The following SPATS2L variants were observed in gnomAD, a reference collection of about 807,000 sequenced individuals.
SPATS2L encodes SPATS2-like protein.
Under a neutral mutation model 59.6 loss-of-function variants are expected in SPATS2L, and 30 were observed. That is an observed-to-expected ratio of 0.50 (90% CI 0.38 to 0.68). The LOEUF is 0.68. SPATS2L is among the 30% of genes least tolerant of loss of function. The probability of loss-of-function intolerance (pLI) is 0.00; values close to 1 mark genes in which losing one functional copy is unlikely to be tolerated. For synonymous variants in SPATS2L, 252 were observed against 263.5 expected (o/e 0.96, Z 0.42); for missense variants, 615 against 700.0 (o/e 0.88, Z 1.37).
chr2:200,364,267 T>C (rs552234983), intron 2 of SPATS2L, among the ~76,000 whole-genome samples: 118 of 152,344 alleles, frequency 7.7e-4, no homozygotes, highest in African/African-American at 2.5e-3. Flanking sequence ...TGTGCTAATG[T>C]GTTACAGCAG....
intron 1 of SPATS2L, chr2:200,308,765 G>A (rs2079105628): frequency 2.4e-6 from 1 of 408,230 alleles, no homozygotes; most frequent in Non-Finnish European, 4.4e-6. Flanking sequence ...TGTATTAATT[G>A]GCAATTTTCT....
At chr2:200,431,150 T>G (rs896516665) in intron 6 of SPATS2L, among the ~76,000 whole-genome samples, 2 of 152,248 alleles carry the variant, frequency 1.3e-5, no homozygotes, top group Non-Finnish European at 2.9e-5. Flanking sequence ...TATGAATAGT[T>G]TTTAAGTTAT....
chr2:200,332,792 G>A (rs190380142), intron 2 of SPATS2L, among the ~76,000 whole-genome samples: 1 of 149,652 alleles, frequency 6.7e-6, no homozygotes, highest in African/African-American at 2.5e-5. Flanking sequence ...GTGTGTGTGT[G>A]TGTATGTATG....
chr2:200,472,898 C>T lies in SPATS2L; in HGVS notation c.1127C>T (p.Ala376Val), dbSNP rs751577050. 53 of 1,613,740 alleles carry T rather than the reference C, an allele frequency of 3.3e-5. No individual in the cohort carries two copies. The South Asian group carries it at 3.7e-4, about 11-fold the overall frequency. Reference sequence around the variant, plus strand: ...AGCTCCCTGCTGCCTCTGCTGAATGCGCACGCAGCAACCTCTGGGAAACAG... The same window carrying T: ...AGCTCCCTGCTGCCTCTGCTGAATGTGCACGCAGCAACCTCTGGGAAACAG... Reference protein sequence around the residue: ...PCSSLLPLLNAHAATSGKQSN... With the variant: ...PCSSLLPLLNVHAATSGKQSN... The change falls in exon 12 of 13, where the codon GCG becomes GTG. Residue 376 changes from alanine to valine, a missense_variant. Physicochemically the swap from Ala to Val is moderately conservative, Grantham distance 64. This residue lies in a region of SPATS2L where 284 missense variants were observed against 280.1 expected (regional missense o/e 1.01). Transcript: ENST00000409140.
At chr2:200,307,173 G>A (rs1456195735) in intron 1 of SPATS2L, among the ~76,000 whole-genome samples, 1 of 151,570 alleles carries the variant, frequency 6.6e-6, no homozygotes, top group African/African-American at 2.4e-5. Context: ...AGCGGGAGGA[G>A]GCGCCGGCTG....
chr2:200,306,149 C>T (rs1202626927), upstream of SPATS2L: 2 of 994,584 alleles, frequency 2.0e-6, no homozygotes, highest in African/African-American at 1.7e-5. Context: ...TTTTCCGCGC[C>T]TGATTTTTCA....
chr2:200,334,905 G>T (rs1449112154), intron 2 of SPATS2L, among the ~76,000 whole-genome samples: 1 of 152,144 alleles, frequency 6.6e-6, no homozygotes, highest in Admixed American at 6.5e-5. Context: ...ATGCTGTTTT[G>T]GTTACTGTAG....
In SPATS2L at chr2:200,462,326, T is replaced by C. The variant is rs533748271; in HGVS notation, c.847+2499T>C. ...GAGCATCTCTGGAGAGCATCCCATT[T>C]TAAAAACTTACTCAATCAGTAAACA... On this transcript the variant is annotated intron_variant, in intron 9 of 12. Coordinates refer to ENST00000409140, the MANE Select transcript of SPATS2L (RefSeq NM_001100423.2). Among the ~76,000 whole-genome samples, 11 of 152,322 alleles carry C rather than the reference T, an allele frequency of 7.2e-5. No individual in the cohort carries two copies. The South Asian group carries it at 2.3e-3, about 32-fold the overall frequency.
chr2:200,379,010 C>G (rs2081702405), intron 2 of SPATS2L, among the ~76,000 whole-genome samples: 1 of 152,214 alleles, frequency 6.6e-6, no homozygotes, highest in African/African-American at 2.4e-5. Flanking sequence ...GACTTTTGAG[C>G]TGGACAGACC....
chr2:200,377,491 C>A (rs1039851175), intron 2 of SPATS2L, among the ~76,000 whole-genome samples: 2 of 152,110 alleles, frequency 1.3e-5, no homozygotes, highest in Non-Finnish European at 2.9e-5. Context: ...GTGAGCCTTT[C>A]TAAGAACATG....
chr2:200,359,361 G>T (rs2081024182), intron 2 of SPATS2L, among the ~76,000 whole-genome samples: 1 of 151,870 alleles, frequency 6.6e-6, no homozygotes, highest in African/African-American at 2.4e-5. Context: ...TTTCCATCCA[G>T]CTTGCACCCT....
intron 8 of SPATS2L, among the ~76,000 whole-genome samples, chr2:200,457,609 C>T (rs760346734): frequency 4.6e-5 from 7 of 152,210 alleles, no homozygotes; most frequent in South Asian, 4.1e-4. Flanking sequence ...ATCCAGTGAC[C>T]GTAAGCCATG....
At chr2:200,451,758 T>C (rs1401293708) in intron 8 of SPATS2L, among the ~76,000 whole-genome samples, 2 of 152,160 alleles carry the variant, frequency 1.3e-5, no homozygotes, top group East Asian at 3.9e-4. Flanking sequence ...TTTCTGTTCC[T>C]GTTATTTATG....
chr2:200,319,222 C>A (rs1374625687), intron 1 of SPATS2L, among the ~76,000 whole-genome samples: 1 of 152,170 alleles, frequency 6.6e-6, no homozygotes, highest in Non-Finnish European at 1.5e-5. Context: ...TAGTTCTCAT[C>A]CTGTTAACAT....
At chr2:200,338,438 A>G (rs1166895342) in intron 2 of SPATS2L, among the ~76,000 whole-genome samples, 1 of 152,192 alleles carries the variant, frequency 6.6e-6, no homozygotes, top group Non-Finnish European at 1.5e-5. Context: ...CATGTAATCA[A>G]GTGAATAAAC....
intron 2 of SPATS2L, among the ~76,000 whole-genome samples, chr2:200,355,100 T>C (rs538416894): frequency 8.5e-5 from 13 of 152,290 alleles, no homozygotes; most frequent in Admixed American, 7.8e-4. Flanking sequence ...TCTCTCCCTT[T>C]TCAGACATCT....
intron 1 of SPATS2L, among the ~76,000 whole-genome samples, chr2:200,317,286 A>C (rs181115533): frequency 3.9e-5 from 6 of 152,356 alleles, no homozygotes; most frequent in Non-Finnish European, 5.9e-5. Context: ...GAATTTGAGC[A>C]AGTTATTTAA....
intron 3 of SPATS2L, among the ~76,000 whole-genome samples, chr2:200,406,798 G>C (rs536320001): frequency 6.6e-6 from 1 of 152,310 alleles, no homozygotes; most frequent in Admixed American, 6.5e-5. Flanking sequence ...AGCCTCTAGT[G>C]CAGTGCCTGA....
At chr2:200,444,863 G>C (rs1036590155) in intron 8 of SPATS2L, among the ~76,000 whole-genome samples, 5 of 151,948 alleles carry the variant, frequency 3.3e-5, no homozygotes, top group Admixed American at 6.6e-5. Context: ...GTTTATAGTG[G>C]TGTCTCCATA....
Sources: allele counts gnomAD v4.1 joint callset (sites outside exome capture counted in the v4.1 genomes callset), GRCh38; gene constraint gnomAD v4.1.1; regional missense constraint gnomAD v4.1.1; transcripts MANE v1.5; gene names NCBI Gene and HGNC (gene_info 2026-07-23, HGNC 2026-07-21).